PTAR1: variants seen among roughly 807,000 people sequenced by gnomAD.
PTAR1 encodes the protein protein prenyltransferase alpha subunit repeat containing 1, also known as protein prenyltransferase alpha subunit repeat-containing protein 1.
In PTAR1, 17 loss-of-function variants were observed where a neutral mutation model predicts 45.5. The observed-to-expected ratio is 0.37, with a 90% CI of 0.26 to 0.56. The LOEUF (loss-of-function observed/expected upper bound fraction) is 0.56, where lower values mean the gene tolerates loss of function less well. Ranked by LOEUF, PTAR1 falls within the 20% of genes least tolerant of loss-of-function variation. The pLI, the probability that PTAR1 is intolerant of heterozygous loss-of-function variation, is 0.77. For missense variants in PTAR1, 391 were observed against 476.3 expected (o/e 0.82, Z 1.67); for synonymous variants, 169 against 171.3 (o/e 0.99, Z 0.11).
intron 2 of PTAR1, among the ~76,000 whole-genome samples, chr9:69,749,332 T>A (rs1826422587): frequency 6.6e-6 from 1 of 152,192 alleles, no homozygotes. Flanking sequence ...TATGCATTTC[T>A]GTGCACCAGA....
chr9:69,736,701 A>G (rs111324233), intron 3 of PTAR1, among the ~76,000 whole-genome samples: 6,756 of 152,256 alleles, frequency 0.044, 229 homozygotes, highest in Non-Finnish European at 0.064. Flanking sequence ...TTTCTTCAAA[A>G]AAGAGGCAGT....
At chr9:69,734,394 G>A (rs1036083927) in intron 3 of PTAR1, 140 bp from the exon 4 acceptor site, 1 of 434,636 alleles carries the variant, frequency 2.3e-6, no homozygotes, top group Middle Eastern at 6.4e-4. Flanking sequence ...AAGAAAAAAA[G>A]CCCAAGCCAC....
intron 5 of PTAR1, among the ~76,000 whole-genome samples, chr9:69,724,579 T>G (rs1254330542): frequency 1.3e-5 from 2 of 152,214 alleles, no homozygotes; most frequent in African/African-American, 4.8e-5. Context: ...GCAAATGCCT[T>G]CTCCTGTACC....
intron 5 of PTAR1, among the ~76,000 whole-genome samples, chr9:69,731,041 T>G (rs1454331728): frequency 2.0e-5 from 3 of 152,188 alleles, no homozygotes; most frequent in African/African-American, 7.2e-5. Flanking sequence ...TAGGTTGATG[T>G]GATTCTGAGC....
At chr9:69,747,143 G>A (rs538318672) in intron 2 of PTAR1, among the ~76,000 whole-genome samples, 104 of 152,326 alleles carry the variant, frequency 6.8e-4, no homozygotes, top group African/African-American at 2.4e-3. Flanking sequence ...AAGGTTCTGA[G>A]TAAATAAAAA....
At chr9:69,726,138 T>C (rs1825266091) in intron 5 of PTAR1, among the ~76,000 whole-genome samples, 2 of 152,102 alleles carry the variant, frequency 1.3e-5, no homozygotes, top group Non-Finnish European at 2.9e-5. Flanking sequence ...TCCAATAATA[T>C]GGGAAAATAT....
chr9:69,750,892 G>A lies in PTAR1; in HGVS notation c.145C>T (p.Leu49=). The A allele has an allele frequency of 6.2e-7, 1 of 1,609,826 alleles. No homozygotes were observed. Among genetic ancestry groups the A allele is most frequent in the Non-Finnish European group, 8.5e-7 (1 of 1,177,738 alleles). Residue 49 remains leucine, a synonymous_variant, in exon 2 of 8, where the codon CTG becomes TTG. Coordinates refer to ENST00000340434, the MANE Select transcript of PTAR1 (RefSeq NM_001099666.2). ...EARYNRSPIV[L]VENKLGVESW... is the part of the protein sequence containing the mutation. Reference sequence around the variant, plus strand: ...TCCACACCCAGTTTGTTTTCAACCAGGACTATGGGACTCCGGTTATACCTA... The same window carrying A: ...TCCACACCCAGTTTGTTTTCAACCAAGACTATGGGACTCCGGTTATACCTA...
In PTAR1 at chr9:69,759,046, C is replaced by A. The variant is rs941887606; in HGVS notation, c.86+807G>T. 3.3e-5 allele frequency among the ~76,000 whole-genome samples: 5 copies of A among 152,062 alleles called. No individual in the cohort carries two copies. In the South Asian group the frequency reaches 1.0e-3, roughly 32 times the overall value. On this transcript the variant is annotated intron_variant, in intron 1 of 7. Coordinates refer to ENST00000340434, the MANE Select transcript of PTAR1 (RefSeq NM_001099666.2). ...TCAATAGCTTTCTTTTCACTTGTTA[C>A]ATAAAAGCAAAGTGTTACAAAAAGT... is the stretch of plus-strand genomic sequence containing the variant.
At chr9:69,719,913 A>T (rs1458898877) in intron 6 of PTAR1, among the ~76,000 whole-genome samples, 1 of 152,182 alleles carries the variant, frequency 6.6e-6, no homozygotes, top group Non-Finnish European at 1.5e-5. Flanking sequence ...ATAAGATGAT[A>T]AACTGAACCA....
chr9:69,734,309 T>G (rs1282535591), intron 3 of PTAR1, 55 bp from the exon 4 acceptor site: 1 of 772,338 alleles, frequency 1.3e-6, no homozygotes, highest in Non-Finnish European at 2.0e-6. Context: ...TATCCTTATA[T>G]CCAAAGGTTC....
chr9:69,745,141 T>G (rs972357945), intron 2 of PTAR1, among the ~76,000 whole-genome samples: 2 of 152,200 alleles, frequency 1.3e-5, no homozygotes, highest in Admixed American at 1.3e-4. Flanking sequence ...CATCACTGAC[T>G]GACAAAGAAA....
intron 3 of PTAR1, among the ~76,000 whole-genome samples, chr9:69,735,121 C>A (rs1825725556): frequency 6.6e-6 from 1 of 152,172 alleles, no homozygotes. Flanking sequence ...CGAGGCCATT[C>A]CTTTTTAAAA....
chr9:69,723,631 CTTTT>C lies in PTAR1; in HGVS notation c.643-5_643-2del, dbSNP rs1295247673. 1.3e-6 allele frequency: 2 copies of C among 1,592,272 alleles called. No homozygotes were observed. Among genetic ancestry groups the C allele is most frequent in the Admixed American group, 1.8e-5 (1 of 56,734 alleles). On this transcript the variant is annotated splice_acceptor_variant and splice_polypyrimidine_tract_variant and intron_variant, in intron 5 of 7. Coordinates refer to ENST00000340434, the MANE Select transcript of PTAR1 (RefSeq NM_001099666.2). LOFTEE classifies it high-confidence loss of function. ...TAGAAGATAGTTCATCAAGAAGAAT[CTTTT>C]AAGAAGAAAAAAGGGAAGTAAGAAG...
chr9:69,723,071 G>T (rs928953397), intron 6 of PTAR1, among the ~76,000 whole-genome samples: 6 of 151,792 alleles, frequency 4.0e-5, no homozygotes, highest in Non-Finnish European at 5.9e-5. Context: ...TTATTCTGTT[G>T]CACAGTCAAG....
At chr9:69,744,254 C>T (rs1399937710) in intron 2 of PTAR1, among the ~76,000 whole-genome samples, 3 of 152,054 alleles carry the variant, frequency 2.0e-5, no homozygotes, top group Admixed American at 6.6e-5. Flanking sequence ...CTTCTTTTCT[C>T]GGAACATAAT....
At chr9:69,729,435 G>A (rs1825432694) in intron 5 of PTAR1, among the ~76,000 whole-genome samples, 1 of 152,142 alleles carries the variant, frequency 6.6e-6, no homozygotes, top group Non-Finnish European at 1.5e-5. Flanking sequence ...ATATTCCAAT[G>A]TGATGGATTG....
At chr9:69,737,811 T>C (rs1825860458) in intron 3 of PTAR1, among the ~76,000 whole-genome samples, 2 of 152,156 alleles carry the variant, frequency 1.3e-5, no homozygotes, top group African/African-American at 2.4e-5. Context: ...TGATACTCAA[T>C]CTTTTTTTAA....
intron 1 of PTAR1, among the ~76,000 whole-genome samples, chr9:69,759,415 TTAAAAG>T (rs1588497877): frequency 6.6e-6 from 1 of 152,096 alleles, no homozygotes; most frequent in Non-Finnish European, 1.5e-5. Context: ...TTGAGGCTCA[TTAAAAG>T]TAAGAGGATC....
chr9:69,718,385 A>C lies in PTAR1; in HGVS notation c.1166T>G (p.Phe389Cys). 2 of 1,612,960 alleles carry C rather than the reference A, an allele frequency of 1.2e-6. No individual in the cohort carries two copies. Among genetic ancestry groups the C allele is most frequent in the Non-Finnish European group, 1.7e-6 (2 of 1,179,206 alleles). ...STCRNVEQAR[F>C]ASAYRKWLVT... is the part of the protein sequence containing the mutation. ...CAGCCATTTCCTGTATGCACTGGCA[A>C]ACCTGGCTTGCTCCACGTTCCGACA... Residue 389 changes from phenylalanine to cysteine, a missense_variant, in exon 8 of 8, where the codon TTT becomes TGT. Physicochemically the swap from Phe to Cys is radical, Grantham distance 205. Around this residue, in one of 5 missense-constraint regions of PTAR1, gnomAD observed 181 missense variants for 227.7 expected, o/e 0.80. Transcript: ENST00000340434.
Sources: allele counts gnomAD v4.1 joint callset (sites outside exome capture counted in the v4.1 genomes callset), GRCh38; gene constraint gnomAD v4.1.1; regional missense constraint gnomAD v4.1.1; transcripts MANE v1.5; gene names NCBI Gene and HGNC (gene_info 2026-07-23, HGNC 2026-07-21).